The following TBC1D19 variants were observed in gnomAD, a reference collection of about 807,000 sequenced individuals.
The protein encoded by TBC1D19 is TBC1 domain family member 19.
A neutral mutation model predicts 89.0 loss-of-function variants in TBC1D19; 60 were observed. The observed-to-expected ratio is 0.67, with a 90% CI of 0.55 to 0.84. TBC1D19 has a LOEUF of 0.84. Ranked by LOEUF, TBC1D19 falls within the 40% of genes least tolerant of loss-of-function variation. The probability of loss-of-function intolerance (pLI) is 0.00; values close to 1 mark genes in which losing one functional copy is unlikely to be tolerated. For missense variants in TBC1D19, 500 were observed against 610.8 expected, an observed-to-expected ratio of 0.82 and a Z score of 1.91; for synonymous variants, 189 against 199.7, an observed-to-expected ratio of 0.95 and a Z score of 0.45.
At chr4:26,741,802 A>G (rs965719025) in intron 17 of TBC1D19, among the ~76,000 whole-genome samples, 2 of 152,226 alleles carry the variant, frequency 1.3e-5, no homozygotes, top group Admixed American at 1.3e-4. Context: ...AAGCTGCAGG[A>G]AAGACTTTAT....
At chr4:26,743,455 T>A (rs892574246) in intron 18 of TBC1D19, among the ~76,000 whole-genome samples, 1 of 152,078 alleles carries the variant, frequency 6.6e-6, no homozygotes, top group African/African-American at 2.4e-5. Context: ...TTTTAATTTA[T>A]CAAAGCCTCA....
At chr4:26,608,758 T>C (rs1741161515) in intron 1 of TBC1D19, among the ~76,000 whole-genome samples, 1 of 152,076 alleles carries the variant, frequency 6.6e-6, no homozygotes, top group Non-Finnish European at 1.5e-5. Context: ...AAATCTTTTC[T>C]AGGAGTAACA....
At chr4:26,586,214 T>G (rs988512648) in intron 1 of TBC1D19, among the ~76,000 whole-genome samples, 29 of 149,690 alleles carry the variant, frequency 1.9e-4, no homozygotes, top group African/African-American at 6.7e-4. Context: ...AGTATTTCCA[T>G]TACTGATTTG....
chr4:26,598,893 G>T (rs980663571), intron 1 of TBC1D19, among the ~76,000 whole-genome samples: 2 of 151,496 alleles, frequency 1.3e-5, no homozygotes, highest in South Asian at 4.2e-4. Context: ...GAAAGAAATA[G>T]AATAGAAAGA....
chr4:26,834,178 T>A, the TBC1D19 span, among the ~76,000 whole-genome samples: 4 of 152,222 alleles, frequency 2.6e-5, no homozygotes, highest in Non-Finnish European at 4.4e-5. Context: ...TCCTGAGGCC[T>A]CCCCAGCCAT....
At chr4:26,810,429 C>G in the TBC1D19 span, among the ~76,000 whole-genome samples, 1 of 152,164 alleles carries the variant, frequency 6.6e-6, no homozygotes, top group African/African-American at 2.4e-5. Context: ...GGACTAAACT[C>G]TCTAATTCTT....
chr4:26,594,045 G>A (rs1352567195), intron 1 of TBC1D19, among the ~76,000 whole-genome samples: 5 of 152,196 alleles, frequency 3.3e-5, no homozygotes, highest in African/African-American at 1.2e-4. Flanking sequence ...GCACACGTAT[G>A]TTTATCGCGG....
chr4:26,722,146 A>T (rs75115473), intron 15 of TBC1D19, among the ~76,000 whole-genome samples: 4,607 of 152,178 alleles, frequency 0.03, 211 homozygotes, highest in Admixed American at 0.13. Flanking sequence ...ATGTAATAGG[A>T]CTGTAATGAG....
At chr4:26,740,594 C>T in intron 17 of TBC1D19, 2 of 930,120 alleles carry the variant, frequency 2.2e-6, no homozygotes, top group Non-Finnish European at 1.3e-6. Context: ...ACATTTTAAT[C>T]TGTTCTCTTT....
chr4:26,798,068 T>G, the TBC1D19 span, among the ~76,000 whole-genome samples: 1 of 152,158 alleles, frequency 6.6e-6, no homozygotes, highest in Non-Finnish European at 1.5e-5. Flanking sequence ...ACTAAAATGC[T>G]TTTGCATAAC....
chr4:26,852,042 C>G, the TBC1D19 span, among the ~76,000 whole-genome samples: 1 of 152,146 alleles, frequency 6.6e-6, no homozygotes, highest in Admixed American at 6.5e-5. Context: ...TGGCCTCTAT[C>G]CAATTACTTA....
chr4:26,613,307 T>A, intron 2 of TBC1D19, 66 bp downstream of exon 2: 1 of 1,069,658 alleles, frequency 9.3e-7, no homozygotes, highest in Non-Finnish European at 1.3e-6. Context: ...CCTAATTCTT[T>A]AAGCCCTCAA....
intron 8 of TBC1D19, among the ~76,000 whole-genome samples, chr4:26,662,537 G>T (rs1185121981): frequency 6.6e-6 from 1 of 152,164 alleles, no homozygotes; most frequent in Non-Finnish European, 1.5e-5. Context: ...AAGTTTATAA[G>T]AATTTAAGCA....
chr4:26,686,990 C>T (rs1560472110), intron 12 of TBC1D19, among the ~76,000 whole-genome samples: 1 of 151,992 alleles, frequency 6.6e-6, no homozygotes, highest in Non-Finnish European at 1.5e-5. Flanking sequence ...GTAGACTGCT[C>T]GATGGTAAAC....
At chr4:26,632,707 A>G (rs761641018) in intron 4 of TBC1D19, among the ~76,000 whole-genome samples, 13 of 152,056 alleles carry the variant, frequency 8.5e-5, no homozygotes, top group Middle Eastern at 3.2e-3. Context: ...ATATTTCTAT[A>G]TGGTTCCAGT....
At chr4:26,825,454 C>T in the TBC1D19 span, among the ~76,000 whole-genome samples, 2 of 152,090 alleles carry the variant, frequency 1.3e-5, no homozygotes, top group Non-Finnish European at 2.9e-5. Context: ...GGGCATGCCT[C>T]ATTAGTCAGT....
At chr4:26,656,972 T>TCTG in intron 7 of TBC1D19, among the ~76,000 whole-genome samples, 1 of 105,834 alleles carries the variant, frequency 9.4e-6, no homozygotes, top group African/African-American at 3.5e-5. Context: ...TTCTTCTTCT[T>TCTG]CTTCTTCTTC....
intron 1 of TBC1D19, chr4:26,585,268 G>A (rs1255463777): frequency 9.9e-6 from 4 of 404,118 alleles, no homozygotes; most frequent in South Asian, 3.7e-5. Flanking sequence ...AAGCAATTCT[G>A]AGAGTTCCAA....
chr4:26,801,266 TC>T, the TBC1D19 span, among the ~76,000 whole-genome samples: 1 of 151,854 alleles, frequency 6.6e-6, no homozygotes, highest in Non-Finnish European at 1.5e-5. Flanking sequence ...AAATAGGAAA[TC>T]CTTTCCCCAT....
Sources: allele counts gnomAD v4.1 joint callset (sites outside exome capture counted in the v4.1 genomes callset), GRCh38; gene constraint gnomAD v4.1.1; transcripts MANE v1.5; gene names NCBI Gene and HGNC (gene_info 2026-07-23, HGNC 2026-07-21).